The following LSP1 variants were observed in gnomAD, a reference collection of about 807,000 sequenced individuals.
LSP1 encodes the protein lymphocyte specific protein 1, also known as lymphocyte-specific protein 1.
In LSP1, 32 loss-of-function variants were observed where a neutral mutation model predicts 49.3. The observed-to-expected ratio is 0.65, with a 90% confidence interval of 0.49 to 0.87. LSP1 has a LOEUF of 0.87. Ranked by LOEUF, LSP1 falls within the 40% of genes least tolerant of loss-of-function variation. LSP1 has a pLI of 0.00. For synonymous variants in LSP1, 179 were observed against 178.8 expected (o/e 1.00, Z -0.01); for missense variants, 428 against 442.6 (o/e 0.97, Z 0.30).
At chr11:1,855,822 G>T (rs1284987873) in intron 1 of LSP1, among the ~76,000 whole-genome samples, 1 of 152,192 alleles carries the variant, frequency 6.6e-6, no homozygotes, top group Non-Finnish European at 1.5e-5. Context: ...GACGCTGGGG[G>T]ATGCCTGCCC....
intron 2 of LSP1, chr11:1,881,145 A>G: frequency 2.8e-6 from 1 of 355,524 alleles, no homozygotes; most frequent in South Asian, 4.3e-5. Flanking sequence ...CCCTGCCCTC[A>G]GGTAGCCCCA....
At position 1,861,681 on chromosome 11, in the gene LSP1, G is replaced by T. The variant is rs7103595; in HGVS notation, c.53+8484G>T. ...TGGATGGATGGATAGATGGGTGGAT[G>T]GGTGGATGGGTGGGTGGATGGATGG... On this transcript the variant is annotated intron_variant, in intron 1 of 10. Coordinates refer to ENST00000311604, the MANE Select transcript of LSP1 (RefSeq NM_002339.3). Among the ~76,000 whole-genome samples the T allele has an allele frequency of 9.5e-3, 1,411 of 148,534 alleles. 19 individuals are homozygous for T. Among genetic ancestry groups the T allele is most frequent in the African/African-American group, 0.032 (1,276 of 39,990 alleles).
At chr11:1,870,614 G>A (rs1356653009) in intron 1 of LSP1, 1 of 1,107,614 alleles carries the variant, frequency 9.0e-7, no homozygotes, top group Non-Finnish European at 1.1e-6. Flanking sequence ...TTGAATGCCA[G>A]GCTGGCTTGG....
At chr11:1,866,809 G>A (rs1335833290) in intron 1 of LSP1, 2 of 1,550,272 alleles carry the variant, frequency 1.3e-6, no homozygotes, top group Non-Finnish European at 1.7e-6. Context: ...CCCCGGAGGA[G>A]GGGCAGAGCC....
Position 1,884,232 on chromosome 11 carries a change from G to C in LSP1, c.592-48G>C. On this transcript the variant is annotated intron_variant, in intron 5 of 10. Coordinates refer to ENST00000311604, the MANE Select transcript of LSP1 (RefSeq NM_002339.3). The surrounding 1 kb of genome is among the most constrained non-coding windows in gnomAD (Gnocchi z 4.1). ...GAGTAGCTGGGGAGATGGAGGGTGG[G>C]CTTTACCTCGGCTGCTGCAGGCCTG... The C allele has an allele frequency of 6.2e-7, 1 of 1,609,648 alleles. No individual in the cohort carries two copies. Among genetic ancestry groups the C allele is most frequent in the Non-Finnish European group, 8.5e-7 (1 of 1,176,016 alleles).
intron 1 of LSP1, among the ~76,000 whole-genome samples, chr11:1,875,707 G>A (rs1331330906): frequency 6.6e-6 from 1 of 152,244 alleles, no homozygotes; most frequent in African/African-American, 2.4e-5. Context: ...CCACAACCGG[G>A]AAGGTGCTAG....
At chr11:1,882,517 TC>T (rs966528531) in intron 3 of LSP1, among the ~76,000 whole-genome samples, 1 of 151,484 alleles carries the variant, frequency 6.6e-6, no homozygotes, top group East Asian at 1.9e-4. Context: ...GGCCTCAGTC[TC>T]CCCCCTACGT....
Position 1,855,059 on chromosome 11 carries a change from C to T in LSP1, c.53+1862C>T, listed in dbSNP as rs557116460. ...GCTGTCAGGCGCTCCAGCTGGAGAG[C>T]GGCGGTTCTCCTGGGCTCTGCAAAG... is the stretch of plus-strand genomic sequence containing the variant. On this transcript the variant is annotated intron_variant, in intron 1 of 10. Transcript: ENST00000311604. Among the ~76,000 whole-genome samples, 257 of 152,274 alleles carry T rather than the reference C, an allele frequency of 1.7e-3. 1 individual carries two copies. The highest frequency in any genetic ancestry group is 6.0e-3 in the African/African-American group (248 of 41,560).
At chr11:1,864,151 G>A (rs1019020580) in intron 1 of LSP1, 2 of 984,428 alleles carry the variant, frequency 2.0e-6, no homozygotes, top group African/African-American at 3.5e-5. Flanking sequence ...GGAAAGGAGA[G>A]AGGAGAGAGG....
At chr11:1,870,369 A>C (rs7929436) in intron 1 of LSP1, 49,944 of 1,258,994 alleles carry the variant, frequency 0.04, 1,079 homozygotes, top group African/African-American at 0.055. Flanking sequence ...CCTGGGAAAG[A>C]AGTGCCGGCC....
At chr11:1,869,362 A>G in intron 1 of LSP1, 1 of 310,802 alleles carries the variant, frequency 3.2e-6, no homozygotes, top group Admixed American at 4.2e-5. Context: ...AAAGAAAGAA[A>G]GCGAAGGCAC....
rs546367506 is a variant in LSP1 at position 1,854,661 on chromosome 11, C to T, written c.53+1464C>T. ...TGAGGGCTGGGTCGGGACGTCCGTGCCTGTCCCCAGGGAGAGGTGGGAGGA... is the reference window on the plus strand; with the variant it reads ...TGAGGGCTGGGTCGGGACGTCCGTGTCTGTCCCCAGGGAGAGGTGGGAGGA... On this transcript the variant is annotated intron_variant, in intron 1 of 10. Coordinates refer to ENST00000311604, the MANE Select transcript of LSP1 (RefSeq NM_002339.3). Among the ~76,000 whole-genome samples, 4 of 152,198 alleles carry T rather than the reference C, an allele frequency of 2.6e-5. No individual in the cohort carries two copies. The South Asian group carries it at 6.2e-4, about 24-fold the overall frequency.
At chr11:1,887,836 C>A (rs973211889) in intron 10 of LSP1, among the ~76,000 whole-genome samples, 2 of 152,146 alleles carry the variant, frequency 1.3e-5, no homozygotes, top group African/African-American at 4.8e-5. Context: ...GCTCAAGGCT[C>A]CCATCTGGGA....
At position 1,892,014 on chromosome 11, in the gene LSP1, T is replaced by A. The variant is rs1849021809; in HGVS notation, c.*255T>A. The A allele has an allele frequency of 7.1e-6, 1 of 140,994 alleles. No homozygotes were observed. The highest frequency in any genetic ancestry group is 1.5e-5 in the Non-Finnish European group (1 of 64,638). 8.7% of individuals were successfully genotyped at this position (140,994 alleles called of 1,614,324 possible). Reference sequence around the variant, plus strand: ...CCCACCCAGCTCCGCTTCTTGTTACTTGGGGGAGGAAAGAAACTCCTGATC... The same window carrying A: ...CCCACCCAGCTCCGCTTCTTGTTACATGGGGGAGGAAAGAAACTCCTGATC... On this transcript the variant is annotated 3_prime_UTR_variant, in exon 11 of 11. Transcript: ENST00000311604.
chr11:1,884,781 GC>G lies in LSP1; in HGVS notation c.717+207del, dbSNP rs924415822. Among the ~76,000 whole-genome samples the G allele has an allele frequency of 2.7e-5, 4 of 150,184 alleles. No homozygotes were observed. Among genetic ancestry groups the G allele is most frequent in the South Asian group, 2.1e-4 (1 of 4,744 alleles). The stretch of plus-strand genomic sequence containing the variant: ...ATCAATGTCACTCCATGTAATCAAT[GC>G]CCCCCCTTTCAATCAATGCTACTCC... On this transcript the variant is annotated intron_variant, in intron 7 of 10. Transcript: ENST00000311604. This position sits in a 1 kb window ranked among gnomAD's most constrained non-coding sequence, Gnocchi z 4.1.
chr11:1,889,404 G>T (rs1162936174), intron 10 of LSP1: 1 of 690,120 alleles, frequency 1.4e-6, no homozygotes, highest in Non-Finnish European at 2.7e-6. Flanking sequence ...GGTCCGGGAG[G>T]CGGGGGCCCG....
At chr11:1,866,845 C>T (rs1173604116) in intron 1 of LSP1, 2 of 1,547,264 alleles carry the variant, frequency 1.3e-6, no homozygotes, top group Non-Finnish European at 1.7e-6. Flanking sequence ...GGTGGCTCAC[C>T]CCCTTGTCAC....
In LSP1 at chr11:1,887,551, C is replaced by A. The variant is rs201267228; in HGVS notation, c.1008C>A (p.Gly336=). 2 of 1,613,706 alleles carry A rather than the reference C, an allele frequency of 1.2e-6. No homozygotes were observed. The highest frequency in any genetic ancestry group is 2.2e-5 in the East Asian group (1 of 44,846). The change falls in exon 10 of 11, where the codon GGC becomes GGA. Residue 336 remains glycine (G), a synonymous_variant. Transcript: ENST00000311604. ...ATGAGAAGGTGCTTGTGGAAGGGGG[C>A]CCGGCTCCCTAGGCGTCCCATCTCG... is the stretch of plus-strand genomic sequence containing the variant. ...GKYEKVLVEG[G]PAP
rs114603683 is a variant in LSP1, at chr11:1,856,126, T to C, written c.53+2929T>C. On this transcript the variant is annotated intron_variant, in intron 1 of 10. Coordinates refer to ENST00000311604, the MANE Select transcript of LSP1 (RefSeq NM_002339.3). The stretch of plus-strand genomic sequence containing the variant: ...TCCACACCTAGAAGGCAAGTCTGCC[T>C]GCCGCCACCCTGTCCCACAGACACC... Among the ~76,000 whole-genome samples the C allele has an allele frequency of 5.4e-3, 810 of 149,324 alleles. 7 individuals carry two copies. The highest frequency in any genetic ancestry group is 0.019 in the African/African-American group (761 of 41,066).
Sources: allele counts gnomAD v4.1 joint callset (sites outside exome capture counted in the v4.1 genomes callset), GRCh38; gene constraint gnomAD v4.1.1; non-coding constraint Gnocchi (gnomAD v3.1); transcripts MANE v1.5; gene names NCBI Gene and HGNC (gene_info 2026-07-23, HGNC 2026-07-21).